The following SETD2 variants were observed in gnomAD, a reference collection of about 807,000 sequenced individuals.
SETD2 encodes the protein SET domain containing 2, histone lysine methyltransferase.
In SETD2, 31 loss-of-function variants were observed where a neutral mutation model predicts 242.1. That is an observed-to-expected ratio of 0.13 (90% CI 0.10 to 0.17). The LOEUF (loss-of-function observed/expected upper bound fraction) is 0.17, where lower values mean the gene tolerates loss of function less well. Ranked by LOEUF, SETD2 falls within the 10% of genes least tolerant of loss-of-function variation. The pLI is 1.00. For missense variants in SETD2, 2,481 were observed against 3,046.3 expected (o/e 0.81, Z 4.37); for synonymous variants, 1,006 against 1,066.5 (o/e 0.94, Z 1.11).
intron 12 of SETD2, among the ~76,000 whole-genome samples, chr3:47,072,879 G>A (rs572942129): frequency 2.3e-4 from 34 of 150,962 alleles, no homozygotes; most frequent in African/African-American, 7.5e-4. Context: ...CCTGGGAGGC[G>A]GAGCTTGCAG....
At chr3:47,046,367 CAAAG>C (rs2039530714) in intron 16 of SETD2, 116 bp downstream of exon 16, 1 of 750,578 alleles carries the variant, frequency 1.3e-6, no homozygotes, top group South Asian at 3.8e-5. Flanking sequence ...TAAAATAAAA[CAAAG>C]AACACGTGAA....
Position 47,084,136 on chromosome 3 carries a change from T to C in SETD2, c.5644A>G (p.Lys1882Glu). Reference sequence around the variant, plus strand: ...TCCATGCTATTTTCACTTATAATTTTCAGTCTGCGAAACATTAGTTTCTTG... The same window carrying C: ...TCCATGCTATTTTCACTTATAATTTCCAGTCTGCGAAACATTAGTTTCTTG... ...TPKKLMFRRL[K>E]IISENSMDSA... The change falls in exon 12 of 21, where the codon AAA (lysine) becomes GAA (glutamate). Residue 1882 changes from lysine (K) to glutamate (E), a missense_variant. Physicochemically the swap from Lys to Glu is moderately conservative, Grantham distance 56. Transcript: ENST00000409792. The C allele has an allele frequency of 6.2e-7, 1 of 1,614,188 alleles. No homozygotes were observed. Among genetic ancestry groups the C allele is most frequent in the Non-Finnish European group, 8.5e-7 (1 of 1,180,038 alleles).
At chr3:47,026,394 G>A (rs982418514) in intron 18 of SETD2, among the ~76,000 whole-genome samples, 7 of 152,158 alleles carry the variant, frequency 4.6e-5, no homozygotes, top group East Asian at 1.9e-4. Flanking sequence ...AAGACAGTGC[G>A]GCAATTCCTC....
Position 47,106,493 on chromosome 3 carries a change from TAAAAAAAAAAAAA to T in SETD2, c.4716-386_4716-374del, listed in dbSNP as rs766455577. 4.3e-3 allele frequency among the ~76,000 whole-genome samples: 248 copies of T among 57,270 alleles called. 2 individuals are homozygous for T. Among genetic ancestry groups the T allele is most frequent in the Admixed American group, 0.019 (100 of 5,350 alleles). The allele number at this position is 57,270 out of a possible 152,430, so 37.6% of individuals were successfully genotyped here. A position where few individuals can be genotyped will look rare whatever the true frequency, so the allele number is the denominator to read the frequency against. ...CTGAAAAGTTAGAGGATTTTTGCTC[TAAAAAAAAAAAAA>T]AAAAAAAAAAAAAAAAAAAAGGCAG... On this transcript the variant is annotated intron_variant, in intron 5 of 20. Transcript: ENST00000409792.
chr3:47,055,515 T>C (rs1252940218), intron 15 of SETD2, among the ~76,000 whole-genome samples: 1 of 151,556 alleles, frequency 6.6e-6, no homozygotes, highest in Admixed American at 6.6e-5. Context: ...AAGACCAGCC[T>C]GGGCAACACA....
At chr3:47,126,550 T>C (rs895605219) in intron 2 of SETD2, 98 bp downstream of exon 2, 3 of 624,268 alleles carry the variant, frequency 4.8e-6, no homozygotes, top group Admixed American at 6.1e-5. Flanking sequence ...TTCAAAATGA[T>C]AGCTACATTT....
chr3:47,095,750 A>C (rs1025897958), intron 9 of SETD2, among the ~76,000 whole-genome samples: 4 of 151,988 alleles, frequency 2.6e-5, no homozygotes, highest in African/African-American at 9.7e-5. Context: ...AAACTGTTAC[A>C]TGATGAAAAA....
intron 1 of SETD2, among the ~76,000 whole-genome samples, chr3:47,155,517 TAA>T (rs897988302): frequency 6.6e-6 from 1 of 152,164 alleles, no homozygotes; most frequent in Non-Finnish European, 1.5e-5. Flanking sequence ...TTTTTCAAAA[TAA>T]AAAGTGTTTT....
Position 47,023,982 on chromosome 3 carries a change from G to A in SETD2, c.7351-4142C>T, listed in dbSNP as rs2038356782. ...TTACTTGGGATCCTTTAGGCTTCAT[G>A]AATCCGTATGCCTATTTCCCTCTCT... On this transcript the variant is annotated intron_variant, in intron 18 of 20. Coordinates refer to ENST00000409792, the MANE Select transcript of SETD2 (RefSeq NM_014159.7). Among the ~76,000 whole-genome samples, 3 of 152,182 alleles carry A rather than the reference G, an allele frequency of 2.0e-5. No individual in the cohort carries two copies. In the South Asian group the frequency reaches 6.2e-4, roughly 32 times the overall value.
At chr3:47,156,906 G>T (rs1249610526) in intron 1 of SETD2, among the ~76,000 whole-genome samples, 1 of 152,136 alleles carries the variant, frequency 6.6e-6, no homozygotes, top group Non-Finnish European at 1.5e-5. Flanking sequence ...AGCACTTTGG[G>T]AGGCCAAGGA....
intron 1 of SETD2, among the ~76,000 whole-genome samples, chr3:47,141,441 C>A (rs770951045): frequency 1.3e-5 from 2 of 152,104 alleles, no homozygotes; most frequent in Non-Finnish European, 2.9e-5. Context: ...GCCTTTCATG[C>A]AAATTAGCTC....
In SETD2 at chr3:47,122,892, T is replaced by C. The variant is rs2043159761; in HGVS notation, c.1744A>G (p.Ile582Val). 3.1e-6 allele frequency: 5 copies of C among 1,610,328 alleles called. No homozygotes were observed. The East Asian group carries it at 1.1e-4, about 36-fold the overall frequency. Residue 582 changes from isoleucine (I) to valine (V), a missense_variant, in exon 3 of 21, where the codon ATC becomes GTC. Ile to Val is a conservative substitution (Grantham distance 29). This residue lies in a region of SETD2 where 1,300 missense variants were observed against 1,259.2 expected (regional missense o/e 1.03). Coordinates refer to ENST00000409792, the MANE Select transcript of SETD2 (RefSeq NM_014159.7). Reference sequence around the variant, plus strand: ...AAACTAAAAGAATGAGACTGTTTGATTTCTTCATTTAATTCTGTACAACAG... The same window carrying C: ...AAACTAAAAGAATGAGACTGTTTGACTTCTTCATTTAATTCTGTACAACAG... ...SFCCTELNEE[I>V]KQSHSFSLQT... is the part of the protein sequence containing the mutation.
At chr3:47,102,772 CAAAAA>C (rs5848821) in intron 7 of SETD2, among the ~76,000 whole-genome samples, 3 of 97,940 alleles carry the variant, frequency 3.1e-5, no homozygotes, top group Non-Finnish European at 3.9e-5. Context: ...CCAGCCTGGG[CAAAAA>C]AAAAAAAAAA....
At chr3:47,117,428 TAA>T (rs2042907575) in intron 3 of SETD2, among the ~76,000 whole-genome samples, 1 of 152,150 alleles carries the variant, frequency 6.6e-6, no homozygotes, top group Non-Finnish European at 1.5e-5. Context: ...TTTCAAGTGT[TAA>T]AGTCATACTA....
intron 7 of SETD2, 21 bp downstream of exon 7, chr3:47,103,325 T>C (rs781249455): frequency 6.4e-7 from 1 of 1,551,606 alleles, no homozygotes; most frequent in South Asian, 1.1e-5. Flanking sequence ...TACCTCAAAC[T>C]CTAAATCCAC....
rs2043217147 is a variant in SETD2, at chr3:47,123,959, G to A, written c.677C>T (p.Pro226Leu). Residue 226 changes from proline (P) to leucine (L), a missense_variant, in exon 3 of 21, where the codon CCA (proline) becomes CTA (leucine). By Grantham distance (98) the Pro-to-Leu change is moderately conservative. Around this residue, in one of 17 missense-constraint regions of SETD2, gnomAD observed 334 missense variants for 374.5 expected, o/e 0.89. Coordinates refer to ENST00000409792, the MANE Select transcript of SETD2 (RefSeq NM_014159.7). ...HTPITVLMAA[P>L]VPLPVDVAVR... ...TGCTACATCTACTGGTAAGGGTACT[G>A]GTGCTGCCATTAGAACTGTTATTGG... is the stretch of plus-strand genomic sequence containing the variant. 3 of 1,550,692 alleles carry A rather than the reference G, an allele frequency of 1.9e-6. No individual in the cohort carries two copies. In the African/African-American group the frequency reaches 4.1e-5, roughly 21 times the overall value.
chr3:47,099,041 C>T (rs896491493), intron 8 of SETD2, among the ~76,000 whole-genome samples: 2 of 152,044 alleles, frequency 1.3e-5, no homozygotes, highest in Admixed American at 6.6e-5. Flanking sequence ...GAGAAGCAGA[C>T]AGAATCGGAA....
chr3:47,102,441 G>A (rs972935299), intron 7 of SETD2, among the ~76,000 whole-genome samples: 1 of 152,186 alleles, frequency 6.6e-6, no homozygotes, highest in Admixed American at 6.6e-5. Flanking sequence ...ATTTCAACAT[G>A]AGAGGAAATC....
At chr3:47,139,673 T>A (rs2043680922) in intron 1 of SETD2, among the ~76,000 whole-genome samples, 3 of 152,114 alleles carry the variant, frequency 2.0e-5, no homozygotes, top group Non-Finnish European at 4.4e-5. Flanking sequence ...ATATAGGCCA[T>A]AAAATTTATG....
Sources: allele counts gnomAD v4.1 joint callset (sites outside exome capture counted in the v4.1 genomes callset), GRCh38; gene constraint gnomAD v4.1.1; regional missense constraint gnomAD v4.1.1; transcripts MANE v1.5; gene names NCBI Gene and HGNC (gene_info 2026-07-23, HGNC 2026-07-21).